Variants in TBC1D32 observed in about 807,000 individuals in gnomAD.
TBC1D32 encodes protein broad-minded.
TBC1D32 carries 151 observed loss-of-function variants against 170.3 expected under a neutral mutation model. The ratio of observed to expected loss-of-function variants is 0.89; its 90% confidence interval spans 0.78 to 1.01. The LOEUF is 1.01. TBC1D32 is among the 50% of genes least tolerant of loss of function. The pLI, the probability that TBC1D32 is intolerant of heterozygous loss-of-function variation, is 0.00. For missense variants in TBC1D32, 1,464 were observed against 1,457.1 expected, an observed-to-expected ratio of 1.00 and a Z score of -0.08; for synonymous variants, 498 against 488.0, an observed-to-expected ratio of 1.02 and a Z score of -0.27.
chr6:121,322,694 C>A (rs1809902250), intron 1 of TBC1D32, among the ~76,000 whole-genome samples: 1 of 152,184 alleles, frequency 6.6e-6, no homozygotes, highest in African/African-American at 2.4e-5. Flanking sequence ...TGTTGGTAGA[C>A]TTGACAACAG....
At chr6:121,303,868 T>A in intron 8 of TBC1D32, 107 bp from the exon 9 acceptor site, 1 of 764,138 alleles carries the variant, frequency 1.3e-6, no homozygotes, top group Non-Finnish European at 1.9e-6. Flanking sequence ...ACATTTTTTC[T>A]ATTTCAGTAA....
intron 14 of TBC1D32, among the ~76,000 whole-genome samples, chr6:121,280,528 G>A (rs958189691): frequency 6.6e-6 from 1 of 151,574 alleles, no homozygotes; most frequent in African/African-American, 2.4e-5. Context: ...GGAACACAGA[G>A]AAAAAACCCA....
At chr6:121,334,571 G>A, upstream of TBC1D32, 7 of 967,776 alleles carry the variant, frequency 7.2e-6, no homozygotes, top group Non-Finnish European at 1.1e-5. Flanking sequence ...GCCTGTGCCT[G>A]CGCCCTCAGC....
At chr6:121,154,507 G>GTTC (rs1165269256) in intron 24 of TBC1D32, among the ~76,000 whole-genome samples, 1 of 152,136 alleles carries the variant, frequency 6.6e-6, no homozygotes, top group African/African-American at 2.4e-5. Context: ...TTAGATTCTT[G>GTTC]ATATTAGCTC....
chr6:121,252,725 T>C (rs1018051683), intron 17 of TBC1D32, among the ~76,000 whole-genome samples: 1 of 152,002 alleles, frequency 6.6e-6, no homozygotes, highest in African/African-American at 2.4e-5. Context: ...ATCCCAGAAC[T>C]TAATGTATAA....
intron 21 of TBC1D32, among the ~76,000 whole-genome samples, chr6:121,210,700 C>A (rs1179819444): frequency 6.6e-6 from 1 of 152,122 alleles, no homozygotes; most frequent in East Asian, 1.9e-4. Context: ...TTGACCTAAT[C>A]AAACAAGCAA....
rs556064426 is a variant in TBC1D32 at position 121,252,938 on chromosome 6, C to T, written c.2018+2390G>A. Among the ~76,000 whole-genome samples the T allele has an allele frequency of 3.9e-4, 59 of 152,162 alleles. No homozygotes were observed. The South Asian group carries it at 4.4e-3, about 11-fold the overall frequency. ...GAAAGAACCAGATCCTCATCTCTCA[C>T]CTTATATAAAAATCAACACATGATG... is the stretch of plus-strand genomic sequence containing the variant. On this transcript the variant is annotated intron_variant, in intron 17 of 31. Coordinates refer to ENST00000398212, the MANE Select transcript of TBC1D32 (RefSeq NM_152730.6).
chr6:121,286,119 C>A (rs55642029), intron 12 of TBC1D32, among the ~76,000 whole-genome samples: 1 of 152,030 alleles, frequency 6.6e-6, no homozygotes, highest in Admixed American at 6.5e-5. Flanking sequence ...TAACCAGCAA[C>A]GGAACAAAGC....
chr6:121,208,729 G>GAAAAAAAAAAAAAAAAAAAAAAAAA (rs57771111), intron 21 of TBC1D32, among the ~76,000 whole-genome samples: 1 of 86,898 alleles, frequency 1.2e-5, no homozygotes, highest in Admixed American at 1.5e-4. Context: ...GAAACACCTG[G>GAAAAAAAAAAAAAAAAAAAAAAAAA]AAAAAAAAAA....
intron 26 of TBC1D32, chr6:121,115,567 C>A (rs1779607025): frequency 5.4e-6 from 1 of 183,672 alleles, no homozygotes; most frequent in Admixed American, 6.1e-5. Flanking sequence ...CTACTTTCAT[C>A]ATGCAATGCA....
At chr6:121,082,098 C>T (rs1041396409) in intron 31 of TBC1D32, among the ~76,000 whole-genome samples, 45 of 152,146 alleles carry the variant, frequency 3.0e-4, no homozygotes, top group Admixed American at 5.2e-4. Flanking sequence ...CACTTCTTCA[C>T]TCATTCATTC....
rs1191358364 is a variant in TBC1D32 at position 121,192,081 on chromosome 6, T to TATATATATATATATATCTCC, written c.2570+12993_2570+12994insGGAGATATATATATATATAT. On this transcript the variant is annotated intron_variant, in intron 22 of 31. Coordinates refer to ENST00000398212, the MANE Select transcript of TBC1D32 (RefSeq NM_152730.6). ...AAACTACCCTTTATATATATATATATATCCTATTAGTTCTATCCTTCTGGG... is the reference window on the plus strand; with the variant it reads ...AAACTACCCTTTATATATATATATATATATATATATATATATCTCCATCCTATTAGTTCTATCCTTCTGGG... 3.1e-4 allele frequency among the ~76,000 whole-genome samples: 41 copies of TATATATATATATATATCTCC among 132,484 alleles called. 4 individuals carry two copies. Among genetic ancestry groups the TATATATATATATATATCTCC allele is most frequent in the Admixed American group, 2.4e-3 (24 of 9,928 alleles). 86.9% of individuals were successfully genotyped at this position (132,484 alleles called of 152,430 possible).
intron 17 of TBC1D32, among the ~76,000 whole-genome samples, chr6:121,246,295 C>T (rs1024247249): frequency 3.3e-5 from 5 of 151,866 alleles, no homozygotes; most frequent in Admixed American, 1.3e-4. Flanking sequence ...GAAATCACAC[C>T]GACTCTTCAA....
rs935406499 is a variant in TBC1D32, at chr6:121,146,129, G to C, written c.2773+13881C>G. 2.6e-5 allele frequency among the ~76,000 whole-genome samples: 4 copies of C among 152,280 alleles called. No homozygotes were observed. In the South Asian group the frequency reaches 8.3e-4, roughly 32 times the overall value. On this transcript the variant is annotated intron_variant, in intron 24 of 31. Coordinates refer to ENST00000398212, the MANE Select transcript of TBC1D32 (RefSeq NM_152730.6). ...TAGATGCTAAAAATCAACTGTATTA[G>C]GGTTCTCCAAGAAACAGAACCAATA...
intron 20 of TBC1D32, among the ~76,000 whole-genome samples, chr6:121,238,626 A>G (rs1323670261): frequency 6.6e-6 from 1 of 152,038 alleles, no homozygotes; most frequent in African/African-American, 2.4e-5. Context: ...TTGTGACCTC[A>G]CTCTAAATGA....
chr6:121,247,352 A>G (rs1488017233), intron 17 of TBC1D32, among the ~76,000 whole-genome samples: 2 of 152,034 alleles, frequency 1.3e-5, no homozygotes, highest in African/African-American at 4.8e-5. Context: ...ATCTTGATAT[A>G]CACCAAAATA....
intron 30 of TBC1D32, among the ~76,000 whole-genome samples, chr6:121,097,709 TTATAAATCATGCTGC>T (rs1285606737): frequency 6.6e-6 from 1 of 152,076 alleles, no homozygotes; most frequent in Non-Finnish European, 1.5e-5. Flanking sequence ...ACTGAAAGGA[TTATAAATCATGCTGC>T]TATAAAGACA....
At chr6:121,174,822 C>T (rs371205200) in intron 22 of TBC1D32, among the ~76,000 whole-genome samples, 4 of 151,908 alleles carry the variant, frequency 2.6e-5, no homozygotes, top group Non-Finnish European at 5.9e-5. Flanking sequence ...CTTGATTCCA[C>T]GAATTCGAGG....
intron 30 of TBC1D32, among the ~76,000 whole-genome samples, chr6:121,094,535 A>T (rs1685838661): frequency 6.6e-6 from 1 of 152,198 alleles, no homozygotes; most frequent in African/African-American, 2.4e-5. Flanking sequence ...CAGAAGAAAT[A>T]GTATGTGTCC....
Sources: gnomAD v4.1 joint callset for allele counts (sites outside exome capture counted in the v4.1 genomes callset) on GRCh38, gnomAD v4.1.1 for gene constraint, MANE v1.5 for transcripts, NCBI Gene and HGNC (gene_info 2026-07-23, HGNC 2026-07-21) for gene names.